Variants in PNPLA7 observed in about 807,000 individuals in gnomAD.
PNPLA7 encodes the protein patatin-like phospholipase domain-containing protein 7.
PNPLA7 carries 153 observed loss-of-function variants against 161.7 expected under a neutral mutation model. The observed-to-expected ratio is 0.95, with a 90% CI of 0.83 to 1.08. The LOEUF is 1.08. Among genes scored for constraint, PNPLA7 ranks in the 50% least tolerant of loss-of-function variants. The probability of loss-of-function intolerance (pLI) is 0.00; values close to 1 mark genes in which losing one functional copy is unlikely to be tolerated. For missense variants in PNPLA7, 1,739 were observed against 1,856.6 expected (o/e 0.94, Z 1.16); for synonymous variants, 809 against 782.1 (o/e 1.03, Z -0.57).
chr9:137,478,909 C>T lies in PNPLA7; in HGVS notation c.2763+147G>A, dbSNP rs967829589. ...GGCCCAAAGGGCAAGATGAAGGAGA[C>T]GTGAGGCAGGGTCACGTTCACAAGC... On this transcript the variant is annotated intron_variant, in intron 24 of 34. Transcript: ENST00000406427. The T allele has an allele frequency of 1.6e-5, 18 of 1,139,656 alleles. No homozygotes were observed. The South Asian group carries it at 1.9e-4, about 12-fold the overall frequency. The allele number at this position is 1,139,656 out of a possible 1,614,324, so 70.6% of individuals were successfully genotyped here.
At chr9:137,498,808 G>C (rs1833213215) in intron 16 of PNPLA7, among the ~76,000 whole-genome samples, 1 of 152,202 alleles carries the variant, frequency 6.6e-6, no homozygotes, top group Non-Finnish European at 1.5e-5. Context: ...TCTGGGCAGT[G>C]GCGAGGTGGG....
intron 25 of PNPLA7, among the ~76,000 whole-genome samples, chr9:137,472,579 A>G: frequency 7.0e-6 from 1 of 142,850 alleles, no homozygotes; most frequent in Non-Finnish European, 1.5e-5. Context: ...TGAACCTGGG[A>G]GGCGGAGGTT....
intron 8 of PNPLA7, among the ~76,000 whole-genome samples, chr9:137,534,907 C>T (rs577513058): frequency 3.0e-3 from 416 of 140,574 alleles, no homozygotes; most frequent in Admixed American, 4.3e-3. Flanking sequence ...TCGAACCGCG[C>T]GTTCTAACAG....
chr9:137,463,552 T>A (rs1019930742), intron 28 of PNPLA7, 21 bp from the exon 29 acceptor site: 3 of 1,540,796 alleles, frequency 1.9e-6, no homozygotes, highest in Non-Finnish European at 2.6e-6. Flanking sequence ...GGCCCGGAGC[T>A]GCTGGTTACC....
At chr9:137,478,302 G>A (rs915463250) in intron 24 of PNPLA7, 150 bp from the exon 25 acceptor site, 78 of 536,124 alleles carry the variant, frequency 1.5e-4, no homozygotes, top group Admixed American at 7.0e-4. Flanking sequence ...TGCCTGATAC[G>A]ACTGGTCAGC....
At position 137,476,847 on chromosome 9, in the gene PNPLA7, A is replaced by G. The variant is rs1210644581; in HGVS notation, c.2882+1187T>C. ...TGAACTGCTGTAGGCCAACTTCCGC[A>G]GCTTTCAAGAGAAAATGTGGCACAA... On this transcript the variant is annotated intron_variant, in intron 25 of 34. Transcript: ENST00000406427. This position sits in a 1 kb window ranked among gnomAD's most constrained non-coding sequence, Gnocchi z 4.5. Among the ~76,000 whole-genome samples the G allele has an allele frequency of 6.6e-6, 1 of 152,226 alleles. No individual in the cohort carries two copies. The highest frequency in any genetic ancestry group is 1.5e-5 in the Non-Finnish European group (1 of 68,032).
At chr9:137,462,608 C>T in intron 30 of PNPLA7, 77 bp downstream of exon 30, 1 of 1,553,184 alleles carries the variant, frequency 6.4e-7, no homozygotes, top group Non-Finnish European at 8.7e-7. Context: ...GCGACCCCCA[C>T]TCCCCTGCCG....
chr9:137,522,266 G>C (rs1039869810), intron 9 of PNPLA7, among the ~76,000 whole-genome samples: 1 of 151,190 alleles, frequency 6.6e-6, no homozygotes, highest in Non-Finnish European at 1.5e-5. Context: ...AGCAGAGACG[G>C]GGTTTCACCG....
intron 8 of PNPLA7, among the ~76,000 whole-genome samples, chr9:137,539,485 A>T (rs1043177701): frequency 3.3e-5 from 5 of 152,232 alleles, no homozygotes; most frequent in African/African-American, 1.2e-4. Flanking sequence ...CAGCCTGGCC[A>T]ACATGGCAAA....
In PNPLA7 at chr9:137,467,486, G is replaced by C; in HGVS notation, c.2883-13C>G. 1 of 1,612,042 alleles carries C rather than the reference G, an allele frequency of 6.2e-7. No individual in the cohort carries two copies. The highest frequency in any genetic ancestry group is 8.5e-7 in the Non-Finnish European group (1 of 1,179,660). The stretch of plus-strand genomic sequence containing the variant: ...CTGGGCACAGCCTCTACACCAGCCA[G>C]GGACACAGAGCAAGGAGTGAGTACC... On this transcript the variant is annotated splice_polypyrimidine_tract_variant and intron_variant, in intron 25 of 34. Coordinates refer to ENST00000406427, the MANE Select transcript of PNPLA7 (RefSeq NM_001098537.3). This position sits in a 1 kb window ranked among gnomAD's most constrained non-coding sequence, Gnocchi z 5.1.
chr9:137,515,928 C>A (rs1412840407), intron 11 of PNPLA7, among the ~76,000 whole-genome samples: 1 of 14,040 alleles, frequency 7.1e-5, no homozygotes, highest in African/African-American at 3.7e-4. Context: ...CAATGCCCCT[C>A]CCCCAAATCC....
In PNPLA7 at chr9:137,515,314, G is replaced by C. The variant is rs537901338; in HGVS notation, c.1225+65C>G. The C allele has an allele frequency of 3.5e-5, 55 of 1,559,074 alleles. No homozygotes were observed. The African/African-American group carries it at 5.6e-4, about 16-fold the overall frequency. ...CGATGCTGGGCATCAGTGCAGCTCA[G>C]CCTGGGTCTCAGATGCCGAGGGCCT... On this transcript the variant is annotated intron_variant, in intron 12 of 34. Transcript: ENST00000406427.
intron 32 of PNPLA7, 147 bp from the exon 33 acceptor site, chr9:137,461,767 C>G: frequency 8.4e-7 from 1 of 1,189,968 alleles, no homozygotes; most frequent in Non-Finnish European, 1.2e-6. Flanking sequence ...CGGGGAGATG[C>G]GCAGTCCTGA....
chr9:137,519,597 C>T lies in PNPLA7; in HGVS notation c.1084+320G>A, dbSNP rs528076626. Among the ~76,000 whole-genome samples the T allele has an allele frequency of 2.6e-5, 4 of 152,068 alleles. No homozygotes were observed. In the East Asian group the frequency reaches 7.7e-4, roughly 29 times the overall value. ...CTGGGGAGGTCTGAGGACATCCAGC[C>T]CGCATGTGAGGAGATGGGGACACGT... On this transcript the variant is annotated intron_variant, in intron 11 of 34. Coordinates refer to ENST00000406427, the MANE Select transcript of PNPLA7 (RefSeq NM_001098537.3).
intron 21 of PNPLA7, among the ~76,000 whole-genome samples, chr9:137,483,705 C>T (rs1031237635): frequency 6.6e-6 from 1 of 152,140 alleles, no homozygotes; most frequent in African/African-American, 2.4e-5. Context: ...GATCCACCCG[C>T]CTCGGCCTCC....
chr9:137,522,928 G>A, intron 8 of PNPLA7, 71 bp from the exon 9 acceptor site: 2 of 1,589,136 alleles, frequency 1.3e-6, no homozygotes, highest in South Asian at 2.2e-5. Flanking sequence ...CAAGGCTCCT[G>A]GAAGCCCTGG....
At chr9:137,488,804 CG>C (rs1564302479) in intron 20 of PNPLA7, among the ~76,000 whole-genome samples, 1 of 148,272 alleles carries the variant, frequency 6.7e-6, no homozygotes, top group African/African-American at 2.5e-5. Context: ...AACTGTCCAC[CG>C]CCCACACCAG....
chr9:137,512,738 G>A (rs565633933), intron 12 of PNPLA7, among the ~76,000 whole-genome samples: 7 of 151,544 alleles, frequency 4.6e-5, no homozygotes, highest in Middle Eastern at 3.4e-3. Context: ...CCAGGAGTTC[G>A]AAACCAGCCT....
At chr9:137,525,211 G>C (rs1199562593) in intron 8 of PNPLA7, among the ~76,000 whole-genome samples, 1 of 152,222 alleles carries the variant, frequency 6.6e-6, no homozygotes, top group African/African-American at 2.4e-5. Flanking sequence ...AACGTCCCTG[G>C]GTGGCAACAC....
Sources: gnomAD v4.1 joint callset for allele counts (sites outside exome capture counted in the v4.1 genomes callset) on GRCh38, gnomAD v4.1.1 for gene constraint, Gnocchi (gnomAD v3.1) non-coding constraint, MANE v1.5 for transcripts, NCBI Gene and HGNC (gene_info 2026-07-23, HGNC 2026-07-21) for gene names.